RELN: variants seen among roughly 807,000 people sequenced by gnomAD.
RELN encodes the protein reelin.
A neutral mutation model predicts 427.6 loss-of-function variants in RELN; 108 were observed. The ratio of observed to expected loss-of-function variants is 0.25; its 90% confidence interval spans 0.22 to 0.30. The LOEUF (loss-of-function observed/expected upper bound fraction) is 0.30. RELN is among the 10% of genes least tolerant of loss of function. RELN has a pLI of 1.00. For missense variants in RELN, 3,715 were observed against 4,302.8 expected (o/e 0.86, Z 3.82); for synonymous variants, 1,524 against 1,513.4 (o/e 1.01, Z -0.16).
intron 2 of RELN, among the ~76,000 whole-genome samples, chr7:103,885,784 C>T (rs1392512194): frequency 1.3e-5 from 2 of 152,086 alleles, no homozygotes; most frequent in East Asian, 3.9e-4. Context: ...CTCTCATTAC[C>T]CACTACTCTA....
At chr7:103,553,331 A>C (rs1227439510) in intron 40 of RELN, 130 bp downstream of exon 40, 1 of 705,340 alleles carries the variant, frequency 1.4e-6, no homozygotes, top group Non-Finnish European at 2.5e-6. Context: ...TTATGATGCC[A>C]AAATCTCTTA....
intron 2 of RELN, among the ~76,000 whole-genome samples, chr7:103,874,536 A>T (rs1044805559): frequency 2.1e-5 from 3 of 146,128 alleles, no homozygotes; most frequent in African/African-American, 4.9e-5. Context: ...AATGTACAAA[A>T]ATCACAAGCA....
At chr7:103,749,932 G>A (rs1043070251) in intron 5 of RELN, among the ~76,000 whole-genome samples, 1 of 152,110 alleles carries the variant, frequency 6.6e-6, no homozygotes, top group Non-Finnish European at 1.5e-5. Context: ...ATGGGGGCAA[G>A]TTACTCTCAT....
intron 2 of RELN, among the ~76,000 whole-genome samples, chr7:103,881,442 CAGAA>C (rs1289421006): frequency 6.6e-6 from 1 of 152,032 alleles, no homozygotes; most frequent in Non-Finnish European, 1.5e-5. Context: ...TCATCAGAGA[CAGAA>C]AGAGCTTTAG....
At chr7:103,717,689 T>C (rs947828332) in intron 8 of RELN, among the ~76,000 whole-genome samples, 1 of 152,136 alleles carries the variant, frequency 6.6e-6, no homozygotes, top group Non-Finnish European at 1.5e-5. Flanking sequence ...ATTTTGTTAG[T>C]CTTATACTTA....
chr7:103,673,743 G>T (rs1833446705), intron 11 of RELN, among the ~76,000 whole-genome samples: 1 of 151,530 alleles, frequency 6.6e-6, no homozygotes, highest in South Asian at 2.1e-4. Flanking sequence ...CAAGATAACT[G>T]CTTCCTTTAA....
chr7:103,623,906 G>T (rs553017339), intron 20 of RELN, among the ~76,000 whole-genome samples: 1 of 152,036 alleles, frequency 6.6e-6, no homozygotes, highest in African/African-American at 2.4e-5. Flanking sequence ...GATTCCTGAT[G>T]GTCCTTATAA....
chr7:103,792,028 A>C (rs1036817291), intron 3 of RELN, among the ~76,000 whole-genome samples: 4 of 152,172 alleles, frequency 2.6e-5, no homozygotes, highest in African/African-American at 9.7e-5. Context: ...ATACCATTCT[A>C]CTCCCACAAG....
At chr7:103,474,008 G>A (rs1218563029) in intron 64 of RELN, among the ~76,000 whole-genome samples, 1 of 152,072 alleles carries the variant, frequency 6.6e-6, no homozygotes, top group Non-Finnish European at 1.5e-5. Context: ...GGTAGGAGAG[G>A]GGGGAAAGGG....
intron 10 of RELN, among the ~76,000 whole-genome samples, chr7:103,688,760 T>G (rs1243001135): frequency 2.6e-5 from 4 of 152,244 alleles, no homozygotes; most frequent in African/African-American, 9.6e-5. Flanking sequence ...TAGTGTCCAC[T>G]GGGACAATGA....
rs1410752969 is a variant in RELN at position 103,603,316 on chromosome 7, C to A, written c.3321G>T (p.Leu1107=). 6.2e-7 allele frequency: 1 copy of A among 1,613,732 alleles called. No homozygotes were observed. Among genetic ancestry groups the A allele is most frequent in the Admixed American group, 1.7e-5 (1 of 60,006 alleles). ...CTGTTGGTCATACCTTGCTGAAGTACAGAGATGATCCAGAAGAGATGACAC... is the reference window on the plus strand; with the variant it reads ...CTGTTGGTCATACCTTGCTGAAGTAAAGAGATGATCCAGAAGAGATGACAC... ...GCGVISSGSS[L]YFSKAGKRQL... The change falls in exon 24 of 65, where the codon CTG becomes CTT. Residue 1107 remains leucine, a synonymous_variant. Coordinates refer to ENST00000428762, the MANE Select transcript of RELN (RefSeq NM_005045.4). This position sits in a 1 kb window ranked among gnomAD's most constrained non-coding sequence, Gnocchi z 4.3.
intron 6 of RELN, among the ~76,000 whole-genome samples, chr7:103,735,530 G>A (rs921341792): frequency 2.0e-5 from 3 of 152,038 alleles, no homozygotes; most frequent in African/African-American, 7.2e-5. Flanking sequence ...TGAGAAAATT[G>A]AGCTCCTTTG....
At chr7:103,606,925 G>A (rs958065185) in intron 22 of RELN, among the ~76,000 whole-genome samples, 10 of 152,108 alleles carry the variant, frequency 6.6e-5, no homozygotes, top group Middle Eastern at 3.4e-3. Context: ...GTAAGAACAT[G>A]CGGTGTTTGG....
At chr7:103,703,291 G>C (rs1255905346) in intron 8 of RELN, among the ~76,000 whole-genome samples, 2 of 152,154 alleles carry the variant, frequency 1.3e-5, no homozygotes. Flanking sequence ...CGGTGTAGCT[G>C]TATGTATAAC....
In RELN at chr7:103,767,081, A is replaced by G. The variant is rs114090933; in HGVS notation, c.544+9476T>C. Among the ~76,000 whole-genome samples, 446 of 152,328 alleles carry G rather than the reference A, an allele frequency of 2.9e-3. 1 individual carries two copies. Among genetic ancestry groups the G allele is most frequent in the African/African-American group, 0.01 (421 of 41,572 alleles). ...GGTATGCCAAGAAGCCCACAGGCCA[A>G]TGAATATACACACACACATGATTAT... is the stretch of plus-strand genomic sequence containing the variant. On this transcript the variant is annotated intron_variant, in intron 4 of 64. Coordinates refer to ENST00000428762, the MANE Select transcript of RELN (RefSeq NM_005045.4).
chr7:103,698,750 A>C (rs1279058600), intron 9 of RELN, among the ~76,000 whole-genome samples: 3 of 152,094 alleles, frequency 2.0e-5, no homozygotes, highest in Non-Finnish European at 4.4e-5. Flanking sequence ...CCTGGGCTCA[A>C]GTGATCCTTC....
chr7:103,921,989 C>A (rs1445625080), intron 1 of RELN, among the ~76,000 whole-genome samples: 1 of 152,146 alleles, frequency 6.6e-6, no homozygotes, highest in Admixed American at 6.6e-5. Flanking sequence ...CATTCACAGA[C>A]TACTTTCCCC....
intron 27 of RELN, 24 bp from the exon 28 acceptor site, chr7:103,589,852 T>A (rs764209978): frequency 3.6e-5 from 54 of 1,494,028 alleles, no homozygotes; most frequent in Non-Finnish European, 4.9e-5. Flanking sequence ...GGACAAGAAT[T>A]ATACAAGATT....
chr7:103,827,025 C>G (rs572874118), intron 3 of RELN, among the ~76,000 whole-genome samples: 1 of 144,334 alleles, frequency 6.9e-6, no homozygotes, highest in South Asian at 2.2e-4. Context: ...CTTCTAGACT[C>G]AACATCAGGA....
Sources: allele counts gnomAD v4.1 joint callset (sites outside exome capture counted in the v4.1 genomes callset), GRCh38; gene constraint gnomAD v4.1.1; non-coding constraint Gnocchi (gnomAD v3.1); transcripts MANE v1.5; gene names NCBI Gene and HGNC (gene_info 2026-07-23, HGNC 2026-07-21).